RAD51B: variants seen among roughly 807,000 people sequenced by gnomAD.
RAD51B encodes RAD51 paralog B, also known as DNA repair protein RAD51 homolog 2.
Under a neutral mutation model 42.2 loss-of-function variants are expected in RAD51B, and 38 were observed. The ratio of observed to expected loss-of-function variants is 0.90; its 90% CI spans 0.70 to 1.18. The LOEUF (loss-of-function observed/expected upper bound fraction) is 1.18. Among genes scored for constraint, RAD51B ranks in the 50% most tolerant of loss-of-function variants. The pLI, the probability that RAD51B is intolerant of heterozygous loss-of-function variation, is 0.00. For synonymous variants in RAD51B, 154 were observed against 145.2 expected (o/e 1.06, Z -0.43); for missense variants, 373 against 400.7 (o/e 0.93, Z 0.59).
At chr14:68,269,953 A>G (rs952104830) in intron 7 of RAD51B, among the ~76,000 whole-genome samples, 1 of 152,240 alleles carries the variant, frequency 6.6e-6, no homozygotes, top group African/African-American at 2.4e-5. Flanking sequence ...GCTTCTGGTC[A>G]TGCACAACTG....
At chr14:68,521,384 G>C (rs761212899) in intron 10 of RAD51B, among the ~76,000 whole-genome samples, 8 of 152,170 alleles carry the variant, frequency 5.3e-5, no homozygotes, top group South Asian at 2.1e-4. Flanking sequence ...CTCAGAGTCT[G>C]AACAGCTGGC....
chr14:67,945,574 G>A (rs1033584609), intron 7 of RAD51B, among the ~76,000 whole-genome samples: 9 of 152,082 alleles, frequency 5.9e-5, no homozygotes, highest in South Asian at 2.1e-4. Context: ...GGGTTCAAGC[G>A]ATTCTCGTGC....
intron 7 of RAD51B, among the ~76,000 whole-genome samples, chr14:68,251,565 A>G (rs188143297): frequency 6.6e-6 from 1 of 152,364 alleles, no homozygotes; most frequent in Non-Finnish European, 1.5e-5. Context: ...AGACTTTCCC[A>G]TGATGAGCTT....
chr14:68,203,855 A>G (rs2079536516), intron 7 of RAD51B, among the ~76,000 whole-genome samples: 1 of 152,222 alleles, frequency 6.6e-6, no homozygotes, highest in Non-Finnish European at 1.5e-5. Flanking sequence ...ACCCCTGCTA[A>G]CTTCCAACTT....
At chr14:68,250,841 A>G (rs2080613800) in intron 7 of RAD51B, among the ~76,000 whole-genome samples, 1 of 152,224 alleles carries the variant, frequency 6.6e-6, no homozygotes, top group African/African-American at 2.4e-5. Flanking sequence ...AGAAAATGCA[A>G]GACTGCCCCA....
intron 7 of RAD51B, among the ~76,000 whole-genome samples, chr14:68,099,014 T>A (rs2077244424): frequency 6.6e-6 from 1 of 152,200 alleles, no homozygotes; most frequent in Non-Finnish European, 1.5e-5. Flanking sequence ...ACATCAGCAT[T>A]GTTTATTATT....
At chr14:67,996,918 G>A (rs1411506716) in intron 7 of RAD51B, among the ~76,000 whole-genome samples, 1 of 152,148 alleles carries the variant, frequency 6.6e-6, no homozygotes, top group African/African-American at 2.4e-5. Context: ...GGAAGATAGA[G>A]CCAGCATGAG....
intron 11 of RAD51B, among the ~76,000 whole-genome samples, chr14:68,669,597 G>A (rs1297376410): frequency 6.6e-6 from 1 of 150,854 alleles, no homozygotes; most frequent in East Asian, 2.0e-4. Flanking sequence ...GGCATGCAAG[G>A]CTTTCAAACA....
At chr14:68,406,796 T>C (rs2084287807) in intron 8 of RAD51B, among the ~76,000 whole-genome samples, 1 of 152,230 alleles carries the variant, frequency 6.6e-6, no homozygotes, top group African/African-American at 2.4e-5. Flanking sequence ...TCAAAAACAT[T>C]TTCTTTATAT....
chr14:68,588,185 G>C (rs1201112050), intron 10 of RAD51B, among the ~76,000 whole-genome samples: 2 of 152,132 alleles, frequency 1.3e-5, no homozygotes, highest in African/African-American at 4.8e-5. Context: ...TTTAAGTTAA[G>C]CTCCCTCTCT....
chr14:67,953,763 G>A (rs1314489166), intron 7 of RAD51B, among the ~76,000 whole-genome samples: 1 of 152,146 alleles, frequency 6.6e-6, no homozygotes, highest in African/African-American at 2.4e-5. Flanking sequence ...AACAATATTT[G>A]CATCTGAGTA....
At chr14:67,882,595 ATGTCCAAAAC>A (rs1456403617) in intron 5 of RAD51B, among the ~76,000 whole-genome samples, 15 of 152,216 alleles carry the variant, frequency 9.9e-5, no homozygotes, top group Admixed American at 7.2e-4. Flanking sequence ...ATTTCCTGAT[ATGTCCAAAAC>A]TGCATTTTTG....
intron 7 of RAD51B, among the ~76,000 whole-genome samples, chr14:68,139,254 A>G (rs943138699): frequency 6.7e-6 from 1 of 150,276 alleles, no homozygotes; most frequent in Admixed American, 6.6e-5. Flanking sequence ...ACATCTCTGG[A>G]GATATTCTAA....
At chr14:68,292,579 C>G (rs2081537320) in intron 8 of RAD51B, among the ~76,000 whole-genome samples, 1 of 152,210 alleles carries the variant, frequency 6.6e-6, no homozygotes, top group Non-Finnish European at 1.5e-5. Flanking sequence ...AAAGTGCTTA[C>G]TTGACATTTC....
chr14:67,963,372 A>G (rs1486228107), intron 7 of RAD51B, among the ~76,000 whole-genome samples: 4 of 152,232 alleles, frequency 2.6e-5, no homozygotes, highest in African/African-American at 7.2e-5. Flanking sequence ...ATATTTCTCA[A>G]TGGTGAGATT....
chr14:68,562,695 G>A, intron 10 of RAD51B: 2 of 985,384 alleles, frequency 2.0e-6, no homozygotes, highest in Non-Finnish European at 2.4e-6. Flanking sequence ...ACCCTGACTT[G>A]TTAGAGTGGC....
intron 8 of RAD51B, among the ~76,000 whole-genome samples, chr14:68,308,913 A>C (rs980765452): frequency 9.2e-5 from 14 of 152,160 alleles, no homozygotes; most frequent in African/African-American, 3.1e-4. Context: ...TTTCTATTGG[A>C]AAAGCTGCCC....
intron 9 of RAD51B, among the ~76,000 whole-genome samples, chr14:68,429,361 A>G (rs1307920199): frequency 1.3e-5 from 2 of 152,184 alleles, no homozygotes; most frequent in Non-Finnish European, 2.9e-5. Context: ...ACTAGTTTAC[A>G]GTCCCACCAA....
At chr14:68,642,244 A>G (rs924886088) in intron 10 of RAD51B, among the ~76,000 whole-genome samples, 5 of 152,264 alleles carry the variant, frequency 3.3e-5, no homozygotes, top group Non-Finnish European at 5.9e-5. Context: ...GGTGCTTTCT[A>G]TTTTGGGAGG....
Sources: allele counts gnomAD v4.1 joint callset (sites outside exome capture counted in the v4.1 genomes callset), GRCh38; gene constraint gnomAD v4.1.1; transcripts MANE v1.5; gene names NCBI Gene and HGNC (gene_info 2026-07-23, HGNC 2026-07-21).